NAV1: variants seen among roughly 807,000 people sequenced by gnomAD.
The protein encoded by NAV1 is pore membrane and/or filament interacting like protein 3.
In NAV1, 18 loss-of-function variants were observed where a neutral mutation model predicts 175.2. That is an observed-to-expected ratio of 0.10 (90% CI 0.07 to 0.15). The LOEUF is 0.15. NAV1 is among the 10% of genes least tolerant of loss of function. The pLI is 1.00. For missense variants in NAV1, 1,731 were observed against 2,436.6 expected (o/e 0.71, Z 6.10); for synonymous variants, 897 against 978.7 (o/e 0.92, Z 1.56).
chr1:201,783,655 A>C (rs774839810), exon 7 of NAV1: 1 of 1,614,228 alleles, frequency 6.2e-7, no homozygotes. Context: ...TCAGTGTGCC[A>C]AAAGAGACCC....
chr1:201,781,347 C>T lies in NAV1; in HGVS notation c.1663+38C>T, dbSNP rs181781414. ...TAAAGGAAGGTACAAGGGCAAAGACCTAGTTCTTTGGTTGCTCCTCTTCTT... is the reference window on the plus strand; with the variant it reads ...TAAAGGAAGGTACAAGGGCAAAGACTTAGTTCTTTGGTTGCTCCTCTTCTT... On this transcript the variant is annotated intron_variant, in intron 5 of 29. Coordinates refer to ENST00000367296, the Ensembl canonical transcript of NAV1. 174 of 1,537,042 alleles carry T rather than the reference C, an allele frequency of 1.1e-4. 1 individual carries two copies. In the African/African-American group the frequency reaches 2.2e-3, roughly 19 times the overall value.
chr1:201,592,391 C>G (rs1667225732), intron 2 of NAV1, among the ~76,000 whole-genome samples: 1 of 152,144 alleles, frequency 6.6e-6, no homozygotes, highest in Non-Finnish European at 1.5e-5. Context: ...CTCCATCACC[C>G]ACAGGCTCCT....
chr1:201,791,035 GAGA>G lies in NAV1; in HGVS notation c.3321+276_3321+278del, dbSNP rs553101676. Reference sequence around the variant, plus strand: ...TGATGGGCTGAGCTCCCTAGAGAAAGAGAAGAAGATTGATTACCAGTGGTTCTG... The same window carrying G: ...TGATGGGCTGAGCTCCCTAGAGAAAGAGAAGATTGATTACCAGTGGTTCTG... On this transcript the variant is annotated intron_variant, in intron 13 of 29. Coordinates refer to ENST00000367296, the Ensembl canonical transcript of NAV1. 90 of 412,934 alleles carry G rather than the reference GAGA, an allele frequency of 2.2e-4. No individual in the cohort carries two copies. The Admixed American group carries it at 2.5e-3, about 11-fold the overall frequency. The allele number at this position is 412,934 out of a possible 1,614,324, so 25.6% of individuals were successfully genotyped here.
At chr1:201,793,825 G>A (rs1571499438) in exon 14 of NAV1, 3 of 1,423,616 alleles carry the variant, frequency 2.1e-6, no homozygotes, top group African/African-American at 2.9e-5. Context: ...GCAGAGCCTG[G>A]TGAATATGAC....
At chr1:201,693,677 G>C (rs1001562743) in intron 1 of NAV1, among the ~76,000 whole-genome samples, 1 of 152,108 alleles carries the variant, frequency 6.6e-6, no homozygotes, top group Admixed American at 6.5e-5. Context: ...GGGCTGGGGA[G>C]AAGTGCCCCA....
rs1365078891 is a variant in NAV1 at position 201,539,644 on chromosome 1, A to C, written c.-144+302A>C. On this transcript the variant is annotated intron_variant, in intron 1 of 33. Transcript: ENST00000685211. This position sits in a 1 kb window ranked among gnomAD's most constrained non-coding sequence, Gnocchi z 5.6. ...CCTAACTTCAGTCCCTCTGAGCCTC[A>C]GTTTCCTTGTTGTGAAATACCCACA... Among the ~76,000 whole-genome samples the C allele has an allele frequency of 1.3e-5, 2 of 152,240 alleles. No individual in the cohort carries two copies. The highest frequency in any genetic ancestry group is 2.4e-5 in the African/African-American group (1 of 41,546).
At chr1:201,735,564 C>A (rs1203672550) in intron 3 of NAV1, among the ~76,000 whole-genome samples, 1 of 152,230 alleles carries the variant, frequency 6.6e-6, no homozygotes, top group Non-Finnish European at 1.5e-5. Flanking sequence ...AAATCCATTG[C>A]CTGGACCTGG....
intron 2 of NAV1, among the ~76,000 whole-genome samples, chr1:201,642,274 G>T (rs1471380410): frequency 6.7e-6 from 1 of 149,130 alleles, no homozygotes; most frequent in Non-Finnish European, 1.5e-5. Flanking sequence ...GTGCAGTGGC[G>T]CGATCTCGGC....
rs377739951 is a variant in NAV1, at chr1:201,782,519, G to A, written c.2007G>A (p.Gln669=). The A allele has an allele frequency of 1.9e-6, 3 of 1,612,256 alleles. No individual in the cohort carries two copies. Among genetic ancestry groups the A allele is most frequent in the Non-Finnish European group, 2.5e-6 (3 of 1,178,418 alleles). ...CTCCTGGAGCCCGTTCTAACATCCA[G>A]TACCGCAGCCTGCCCCGGCCAGCCA... Residue 669 remains glutamine (Q), a synonymous_variant, in exon 6 of 30, where the codon CAG becomes CAA. Coordinates refer to ENST00000367296, the Ensembl canonical transcript of NAV1. This position sits in a 1 kb window ranked among gnomAD's most constrained non-coding sequence, Gnocchi z 5.4.
Position 201,550,934 on chromosome 1 carries a change from G to A in NAV1, c.-144+11592G>A, listed in dbSNP as rs534733395. On this transcript the variant is annotated intron_variant, in intron 1 of 33. Transcript: ENST00000685211. ...ACCTAAATCCCATCCTGCTATCAGAGTTCTTCCTCAGGCCTTCACTGCAAA... is the reference window on the plus strand; with the variant it reads ...ACCTAAATCCCATCCTGCTATCAGAATTCTTCCTCAGGCCTTCACTGCAAA... Among the ~76,000 whole-genome samples the A allele has an allele frequency of 2.0e-5, 3 of 152,324 alleles. No individual in the cohort carries two copies. In the South Asian group the frequency reaches 6.2e-4, roughly 32 times the overall value.
At position 201,794,638 on chromosome 1, in the gene NAV1, A is replaced by G. The variant is rs1167694067; in HGVS notation, c.3517+61A>G. 6 of 1,430,084 alleles carry G rather than the reference A, an allele frequency of 4.2e-6. No homozygotes were observed. In the Admixed American group the frequency reaches 5.1e-5, roughly 12 times the overall value. The allele number at this position is 1,430,084 out of a possible 1,614,324, so 88.6% of individuals were successfully genotyped here. A position where few individuals can be genotyped will look rare whatever the true frequency, so the allele number is the denominator to read the frequency against. Reference sequence around the variant, plus strand: ...GAGCAGGAAAGTAAGAGTATTACAGATTTTTATCTGGGCCCATAGTATTCC... The same window carrying G: ...GAGCAGGAAAGTAAGAGTATTACAGGTTTTTATCTGGGCCCATAGTATTCC... On this transcript the variant is annotated intron_variant, in intron 15 of 29. Transcript: ENST00000367296.
At chr1:201,677,533 A>G (rs1670298928) in intron 1 of NAV1, among the ~76,000 whole-genome samples, 1 of 151,946 alleles carries the variant, frequency 6.6e-6, no homozygotes, top group Non-Finnish European at 1.5e-5. Context: ...CCTGGGACTC[A>G]CGGTGCTTTT....
At chr1:201,763,722 C>G (rs1455265559) in intron 3 of NAV1, among the ~76,000 whole-genome samples, 2 of 152,298 alleles carry the variant, frequency 1.3e-5, no homozygotes, top group Non-Finnish European at 2.9e-5. Context: ...TGGAAACAGT[C>G]TCTCATGTCT....
At position 201,718,574 on chromosome 1, in the gene NAV1, G is replaced by A. The variant is rs746565733; in HGVS notation, c.1045G>A (p.Gly349Ser). The A allele has an allele frequency of 6.2e-6, 10 of 1,614,044 alleles. No individual in the cohort carries two copies. Among genetic ancestry groups the A allele is most frequent in the African/African-American group, 1.3e-5 (1 of 75,034 alleles). The change falls in exon 3 of 30, where the codon GGC becomes AGC. Residue 349 changes from glycine (G) to serine (S), a missense_variant. This residue lies in a region of NAV1 where 487 missense variants were observed against 581.3 expected (regional missense o/e 0.84). Transcript: ENST00000367296. The surrounding 1 kb of genome is among the most constrained non-coding windows in gnomAD (Gnocchi z 4.8). ...GGGGACGCCCGCCTGGTACATGCACGGCGAACGGGCCCACTACTCCCACAC... is the reference window on the plus strand; with the variant it reads ...GGGGACGCCCGCCTGGTACATGCACAGCGAACGGGCCCACTACTCCCACAC...
chr1:201,760,732 T>G (rs2102631906), intron 3 of NAV1, among the ~76,000 whole-genome samples: 1 of 152,210 alleles, frequency 6.6e-6, no homozygotes, highest in East Asian at 1.9e-4. Context: ...ATCTGTGGAT[T>G]TGGATGGGAG....
At chr1:201,566,912 C>T (rs944384378) in intron 1 of NAV1, among the ~76,000 whole-genome samples, 4 of 151,986 alleles carry the variant, frequency 2.6e-5, no homozygotes, top group African/African-American at 4.8e-5. Flanking sequence ...TCGATCAAAT[C>T]TCTGTACACA....
intron 3 of NAV1, among the ~76,000 whole-genome samples, chr1:201,777,318 T>C (rs1260634057): frequency 6.6e-6 from 1 of 152,218 alleles, no homozygotes; most frequent in Non-Finnish European, 1.5e-5. Flanking sequence ...AGAAGATATA[T>C]GCATAGGGAT....
chr1:201,597,992 G>T (rs998397220), intron 2 of NAV1, among the ~76,000 whole-genome samples: 1 of 152,210 alleles, frequency 6.6e-6, no homozygotes, highest in Non-Finnish European at 1.5e-5. Flanking sequence ...TCAAGATGTC[G>T]TCAATGCCTC....
intron 3 of NAV1, among the ~76,000 whole-genome samples, chr1:201,733,759 C>T (rs1363443884): frequency 2.0e-5 from 3 of 152,028 alleles, no homozygotes; most frequent in Non-Finnish European, 4.4e-5. Context: ...AGGCAGGAAT[C>T]GGCATAAGTT....
Sources: allele counts gnomAD v4.1 joint callset (sites outside exome capture counted in the v4.1 genomes callset), GRCh38; gene constraint gnomAD v4.1.1; regional missense constraint gnomAD v4.1.1; non-coding constraint Gnocchi (gnomAD v3.1); transcripts MANE v1.5; gene names NCBI Gene and HGNC (gene_info 2026-07-23, HGNC 2026-07-21).